Variants in TENM2 observed in about 807,000 individuals in gnomAD.
TENM2 encodes the protein teneurin-2.
Under a neutral mutation model 245.2 loss-of-function variants are expected in TENM2, and 52 were observed. That is an observed-to-expected ratio of 0.21 (90% CI 0.17 to 0.27). The LOEUF (loss-of-function observed/expected upper bound fraction) is 0.27, where lower values mean the gene tolerates loss of function less well. Ranked by LOEUF, TENM2 falls within the 10% of genes least tolerant of loss-of-function variation. The pLI, the probability that TENM2 is intolerant of heterozygous loss-of-function variation, is 1.00. For synonymous variants in TENM2, 1,363 were observed against 1,438.9 expected, an observed-to-expected ratio of 0.95 and a Z score of 1.19; for missense variants, 3,046 against 3,666.8, an observed-to-expected ratio of 0.83 and a Z score of 4.37.
At chr5:167,960,707 G>A (rs1241463164) in intron 4 of TENM2, among the ~76,000 whole-genome samples, 5 of 152,124 alleles carry the variant, frequency 3.3e-5, no homozygotes, top group Middle Eastern at 3.2e-3. Context: ...GGAGTGAACG[G>A]TTCTGTCTTA....
intron 12 of TENM2, among the ~76,000 whole-genome samples, chr5:168,137,225 A>G (rs758613626): frequency 6.6e-6 from 1 of 152,258 alleles, no homozygotes; most frequent in Non-Finnish European, 1.5e-5. Context: ...TAGCCACCAC[A>G]GCACCTGGTC....
At chr5:168,003,608 C>A (rs2152051032) in intron 5 of TENM2, among the ~76,000 whole-genome samples, 1 of 152,272 alleles carries the variant, frequency 6.6e-6, no homozygotes, top group Non-Finnish European at 1.5e-5. Context: ...TGCACAATTT[C>A]TTGAACCTAT....
chr5:167,424,596 AT>A (rs1484464754), intron 2 of TENM2, among the ~76,000 whole-genome samples: 3 of 152,198 alleles, frequency 2.0e-5, no homozygotes, highest in African/African-American at 7.2e-5. Flanking sequence ...TGGGAGAACA[AT>A]TCCTGAAGAA....
At chr5:167,091,727 T>G in the TENM2 span, among the ~76,000 whole-genome samples, 18 of 152,316 alleles carry the variant, frequency 1.2e-4, no homozygotes, top group African/African-American at 4.3e-4. Flanking sequence ...TCTGCATAAT[T>G]TCACACTGTT....
chr5:168,203,738 G>T, exon 18 of TENM2: 1 of 1,612,902 alleles, frequency 6.2e-7, no homozygotes, highest in South Asian at 1.1e-5. Context: ...TTCTCTGGGA[G>T]AAAAGGACAG....
intron 2 of TENM2, among the ~76,000 whole-genome samples, chr5:167,839,628 C>T (rs1003550691): frequency 3.3e-5 from 5 of 151,654 alleles, no homozygotes; most frequent in Non-Finnish European, 2.9e-5. Context: ...AATGTAATGC[C>T]CTGTCTTCCA....
At chr5:168,000,463 G>C (rs2152038497) in intron 5 of TENM2, among the ~76,000 whole-genome samples, 1 of 152,310 alleles carries the variant, frequency 6.6e-6, no homozygotes, top group South Asian at 2.1e-4. Context: ...TCCATGTGAT[G>C]ATGGGCTTGC....
intron 2 of TENM2, among the ~76,000 whole-genome samples, chr5:167,379,874 G>A (rs1760988937): frequency 7.0e-6 from 1 of 142,394 alleles, no homozygotes; most frequent in Non-Finnish European, 1.5e-5. Context: ...AATTTCCATG[G>A]AACCTAAAGA....
At chr5:167,259,787 T>G in the TENM2 span, among the ~76,000 whole-genome samples, 1 of 152,152 alleles carries the variant, frequency 6.6e-6, no homozygotes, top group South Asian at 2.1e-4. Context: ...AAAATTCTAA[T>G]AAATAGTCTT....
At chr5:167,409,453 G>T (rs1213464983) in intron 2 of TENM2, among the ~76,000 whole-genome samples, 3 of 151,728 alleles carry the variant, frequency 2.0e-5, no homozygotes, top group Non-Finnish European at 4.4e-5. Flanking sequence ...AATAACATAG[G>T]GAAGTACTCA....
At chr5:167,347,717 CTTTCCTT>C (rs1758555214) in intron 1 of TENM2, among the ~76,000 whole-genome samples, 1 of 152,020 alleles carries the variant, frequency 6.6e-6, no homozygotes, top group African/African-American at 2.4e-5. Context: ...TTCTTCCCTT[CTTTCCTT>C]TTTTCTTCCT....
chr5:167,071,807 G>A, the TENM2 span, among the ~76,000 whole-genome samples: 3 of 151,938 alleles, frequency 2.0e-5, no homozygotes, highest in Non-Finnish European at 4.4e-5. Context: ...GTGCTTATTA[G>A]TGAAGGAGAT....
At chr5:167,968,893 C>T (rs1177217230) in intron 4 of TENM2, among the ~76,000 whole-genome samples, 5 of 152,162 alleles carry the variant, frequency 3.3e-5, no homozygotes, top group Non-Finnish European at 7.3e-5. Flanking sequence ...GTGCAAGGGG[C>T]GGTGCTATGC....
chr5:167,902,255 T>A (rs1228591537), intron 3 of TENM2, among the ~76,000 whole-genome samples: 1 of 152,168 alleles, frequency 6.6e-6, no homozygotes, highest in Non-Finnish European at 1.5e-5. Flanking sequence ...TCACCCTCAG[T>A]AAATCTAAAC....
intron 21 of TENM2, among the ~76,000 whole-genome samples, chr5:168,216,362 G>GCAAT (rs1763199308): frequency 1.3e-5 from 2 of 152,332 alleles, no homozygotes; most frequent in Admixed American, 1.3e-4. Flanking sequence ...CATTACTGCT[G>GCAAT]CAATCGGTTG....
intron 1 of TENM2, among the ~76,000 whole-genome samples, chr5:167,313,397 T>A (rs1756158354): frequency 6.6e-6 from 1 of 152,120 alleles, no homozygotes; most frequent in African/African-American, 2.4e-5. Flanking sequence ...ATCCCAGCAC[T>A]TTGGGAGGCC....
At chr5:167,829,698 A>G (rs565236510) in intron 2 of TENM2, among the ~76,000 whole-genome samples, 5 of 152,324 alleles carry the variant, frequency 3.3e-5, no homozygotes, top group African/African-American at 9.6e-5. Context: ...TATGCAGATG[A>G]GAAAACTGAG....
chr5:166,996,223 G>T, the TENM2 span, among the ~76,000 whole-genome samples: 2 of 152,116 alleles, frequency 1.3e-5, no homozygotes, highest in Admixed American at 1.3e-4. Context: ...GGCGCTTGTA[G>T]TCCCGGCTAC....
chr5:167,113,665 A>C, the TENM2 span, among the ~76,000 whole-genome samples: 1 of 152,026 alleles, frequency 6.6e-6, no homozygotes, highest in Non-Finnish European at 1.5e-5. Context: ...AAAAATGTTA[A>C]ATACATGGGA....
Sources: gnomAD v4.1 joint callset for allele counts (sites outside exome capture counted in the v4.1 genomes callset) on GRCh38, gnomAD v4.1.1 for gene constraint, MANE v1.5 for transcripts, NCBI Gene and HGNC (gene_info 2026-07-23, HGNC 2026-07-21) for gene names.